Variants in USP54 observed in about 807,000 individuals in gnomAD.
The protein encoded by USP54 is ubiquitin carboxyl-terminal hydrolase 54.
Under a neutral mutation model 170.5 loss-of-function variants are expected in USP54, and 87 were observed. The ratio of observed to expected loss-of-function variants is 0.51; its 90% CI spans 0.43 to 0.61. USP54 has a LOEUF of 0.61. Ranked by LOEUF, USP54 falls within the 20% of genes least tolerant of loss-of-function variation. The probability of loss-of-function intolerance (pLI) is 0.00; values close to 1 mark genes in which losing one functional copy is unlikely to be tolerated. For synonymous variants in USP54, 655 were observed against 742.8 expected, an observed-to-expected ratio of 0.88 and a Z score of 1.92; for missense variants, 1,786 against 2,047.8, an observed-to-expected ratio of 0.87 and a Z score of 2.47.
At chr10:73,588,574 A>G (rs1342248063) in intron 1 of USP54, among the ~76,000 whole-genome samples, 1 of 152,244 alleles carries the variant, frequency 6.6e-6, no homozygotes, top group Non-Finnish European at 1.5e-5. Flanking sequence ...ATTCACCCAG[A>G]CTATTGCAGA....
Position 73,529,834 on chromosome 10 carries a change from TGTACTG to T in USP54, c.1900_1905del (p.Gln634_Tyr635del), listed in dbSNP as rs751358168. 6.9e-6 allele frequency: 11 copies of T among 1,598,194 alleles called. No homozygotes were observed. In the South Asian group the frequency reaches 9.0e-5, roughly 13 times the overall value. On this transcript the variant is annotated inframe_deletion, in exon 15 of 24. Transcript: ENST00000687698. Reference sequence around the variant, plus strand: ...CCTGGCCGTGCTGGGCCCCAGCGCTTGTACTGGGGGCTTGGTCCACCAAATTTAATG... The same window carrying T: ...CCTGGCCGTGCTGGGCCCCAGCGCTTGGGGCTTGGTCCACCAAATTTAATG...
intron 1 of USP54, among the ~76,000 whole-genome samples, chr10:73,603,851 T>C (rs1420205220): frequency 6.6e-6 from 1 of 151,498 alleles, no homozygotes. Context: ...GATACACCAA[T>C]GGCCAATGAA....
intron 4 of USP54, among the ~76,000 whole-genome samples, chr10:73,562,346 A>G (rs931009017): frequency 8.5e-5 from 13 of 152,214 alleles, no homozygotes; most frequent in African/African-American, 2.9e-4. Flanking sequence ...TAGAAAAATA[A>G]ACCACGAGTT....
chr10:73,584,615 T>C (rs773369189), intron 1 of USP54, among the ~76,000 whole-genome samples: 3 of 152,188 alleles, frequency 2.0e-5, no homozygotes, highest in Non-Finnish European at 2.9e-5. Flanking sequence ...GCGGTCTTGT[T>C]AGGATGATGA....
In USP54 at chr10:73,609,716, C is replaced by A. The variant is rs574727865; in HGVS notation, c.-18+15851G>T. ...AAAATTAGCTGGGCATGGTGGCAGG[C>A]ACCTATAATCCCAGCTACTCAGGAG... is the stretch of plus-strand genomic sequence containing the variant. On this transcript the variant is annotated intron_variant, in intron 1 of 22. Transcript: ENST00000339859. Among the ~76,000 whole-genome samples the A allele has an allele frequency of 1.2e-3, 183 of 152,070 alleles. 1 individual carries two copies. The highest frequency in any genetic ancestry group is 4.4e-3 in the African/African-American group (181 of 41,508).
rs747954659 is a variant in USP54, at chr10:73,582,389, C to CT, written c.-581-6029dup. Among the ~76,000 whole-genome samples, 612 of 143,982 alleles carry CT rather than the reference C, an allele frequency of 4.3e-3. 5 individuals are homozygous for CT. Among genetic ancestry groups the CT allele is most frequent in the African/African-American group, 0.011 (440 of 39,434 alleles). 94.5% of individuals were successfully genotyped at this position (143,982 alleles called of 152,430 possible). A position where few individuals can be genotyped will look rare whatever the true frequency, so the allele number is the denominator to read the frequency against. ...TGTGGGAAGTTTCTAAGGAGAAGGA[C>CT]TTTTTTTTTTTTTTGAGACAGAGTC... is the stretch of plus-strand genomic sequence containing the variant. On this transcript the variant is annotated intron_variant, in intron 1 of 23. Transcript: ENST00000687698.
At chr10:73,618,859 T>C (rs945512094) in intron 1 of USP54, among the ~76,000 whole-genome samples, 3 of 149,744 alleles carry the variant, frequency 2.0e-5, no homozygotes, top group Non-Finnish European at 4.4e-5. Flanking sequence ...TGCAGTGAAC[T>C]GAGATTATGC....
At chr10:73,592,089 C>G (rs545116169), upstream of USP54, among the ~76,000 whole-genome samples, 5 of 152,252 alleles carry the variant, frequency 3.3e-5, no homozygotes, top group Admixed American at 2.0e-4. Flanking sequence ...CAAGAACAAA[C>G]AGCAGGCAGA....
intron 1 of USP54, among the ~76,000 whole-genome samples, chr10:73,601,917 T>C (rs1378878536): frequency 6.6e-6 from 1 of 152,196 alleles, no homozygotes; most frequent in Non-Finnish European, 1.5e-5. Context: ...GGTCAAGTCC[T>C]TCACCACTGC....
At chr10:73,580,052 A>G (rs2076675978) in intron 1 of USP54, among the ~76,000 whole-genome samples, 1 of 152,106 alleles carries the variant, frequency 6.6e-6, no homozygotes, top group Non-Finnish European at 1.5e-5. Context: ...GGCCAGGTGC[A>G]GTAGTTCACG....
chr10:73,606,894 A>G (rs929631596), intron 1 of USP54, among the ~76,000 whole-genome samples: 15 of 151,988 alleles, frequency 9.9e-5, no homozygotes, highest in Middle Eastern at 3.4e-3. Flanking sequence ...AAAAAAAAAA[A>G]AAAGAAATGG....
At chr10:73,527,608 G>A (rs2063155789) in intron 15 of USP54, among the ~76,000 whole-genome samples, 1 of 151,410 alleles carries the variant, frequency 6.6e-6, no homozygotes, top group Admixed American at 6.6e-5. Context: ...CTATGGGCAG[G>A]GTACAATGAG....
intron 1 of USP54, among the ~76,000 whole-genome samples, chr10:73,602,317 C>T (rs1172379362): frequency 6.6e-6 from 1 of 151,942 alleles, no homozygotes; most frequent in African/African-American, 2.4e-5. Context: ...CTTTGGGAGG[C>T]CGAGGTGGGC....
chr10:73,521,135 T>C, intron 17 of USP54, 108 bp from the exon 18 acceptor site: 1 of 1,436,962 alleles, frequency 7.0e-7, no homozygotes, highest in Non-Finnish European at 9.5e-7. Context: ...GCCACTGGTC[T>C]ACCCTTATTC....
rs75421575 is a variant in USP54 at position 73,521,861 on chromosome 10, G to C, written c.2363-834C>G. Among the ~76,000 whole-genome samples the C allele has an allele frequency of 2.5e-3, 375 of 152,274 alleles. 8 individuals are homozygous for C. The highest frequency in any genetic ancestry group is 8.1e-3 in the African/African-American group (336 of 41,546). ...TCTAAAAACAATACCGGATGAAAAG[G>C]CTAGGAAGTACAGGCAGAAAAATTT... On this transcript the variant is annotated intron_variant, in intron 17 of 23. Coordinates refer to ENST00000687698, the MANE Select transcript of USP54 (RefSeq NM_001391956.1).
chr10:73,530,063 T>C, intron 14 of USP54, 80 bp downstream of exon 14: 2 of 1,525,932 alleles, frequency 1.3e-6, no homozygotes, highest in Non-Finnish European at 1.8e-6. Context: ...CCTTGCCAGA[T>C]GTACCAAAAA....
At chr10:73,500,411 G>T (rs79933870) in intron 23 of USP54, among the ~76,000 whole-genome samples, 7,095 of 152,292 alleles carry the variant, frequency 0.047, 508 homozygotes, top group African/African-American at 0.15. Context: ...ACTGAAGCAG[G>T]TCATTTTCGT....
chr10:73,593,689 C>T (rs550313069), upstream of USP54, among the ~76,000 whole-genome samples: 2 of 152,154 alleles, frequency 1.3e-5, no homozygotes, highest in East Asian at 3.9e-4. Context: ...ATATTATTAG[C>T]AAGGAGAAAC....
intron 1 of USP54, among the ~76,000 whole-genome samples, chr10:73,622,299 AAT>A (rs1491095473): frequency 6.8e-6 from 1 of 147,530 alleles, no homozygotes; most frequent in Non-Finnish European, 1.5e-5. Flanking sequence ...AGACTGTTGT[AAT>A]ATTTATTTAT....
Sources: allele counts gnomAD v4.1 joint callset (sites outside exome capture counted in the v4.1 genomes callset), GRCh38; gene constraint gnomAD v4.1.1; transcripts MANE v1.5; gene names NCBI Gene and HGNC (gene_info 2026-07-23, HGNC 2026-07-21).